The following SLC26A8 variants were observed in gnomAD, a reference collection of about 807,000 sequenced individuals.
The protein encoded by SLC26A8 is testis anion transporter 1.
A neutral mutation model predicts 105.0 loss-of-function variants in SLC26A8; 70 were observed. The ratio of observed to expected loss-of-function variants is 0.67; its 90% CI spans 0.55 to 0.81. The LOEUF is 0.81. Ranked by LOEUF, SLC26A8 falls within the 40% of genes least tolerant of loss-of-function variation. The pLI, the probability that SLC26A8 is intolerant of heterozygous loss-of-function variation, is 0.00. For missense variants in SLC26A8, 998 were observed against 1,181.8 expected (o/e 0.84, Z 2.28); for synonymous variants, 415 against 438.3 (o/e 0.95, Z 0.66).
chr6:36,022,494 ATATGCAG>A (rs1762150433), intron 1 of SLC26A8, among the ~76,000 whole-genome samples: 2 of 15,644 alleles, frequency 1.3e-4, no homozygotes, highest in Admixed American at 8.9e-4. Flanking sequence ...GACAGTGCAG[ATATGCAG>A]ATATAAAAAA....
chr6:36,023,049 T>C (rs1762164123), intron 1 of SLC26A8, among the ~76,000 whole-genome samples: 2 of 151,622 alleles, frequency 1.3e-5, no homozygotes, highest in South Asian at 4.2e-4. Flanking sequence ...AAAGTATGAC[T>C]ACCACTATAA....
chr6:35,974,132 A>G (rs907504508), intron 10 of SLC26A8, among the ~76,000 whole-genome samples: 2 of 152,216 alleles, frequency 1.3e-5, no homozygotes, highest in Non-Finnish European at 1.5e-5. Context: ...AGCCTGGCCA[A>G]CATAGTAAAA....
intron 16 of SLC26A8, among the ~76,000 whole-genome samples, chr6:35,958,846 G>A (rs1581631841): frequency 6.6e-6 from 1 of 152,156 alleles, no homozygotes; most frequent in Non-Finnish European, 1.5e-5. Flanking sequence ...TCCTGCTCTG[G>A]GGGAAGGGAC....
chr6:35,981,395 C>G lies in SLC26A8; in HGVS notation c.1025+726G>C, dbSNP rs905401312. ...GTGGCTCATGCCTGTAATCCCAGCACTATAGGAGGCCAAGGCAGGAGGAAT... is the reference window on the plus strand; with the variant it reads ...GTGGCTCATGCCTGTAATCCCAGCAGTATAGGAGGCCAAGGCAGGAGGAAT... On this transcript the variant is annotated intron_variant, in intron 8 of 19. Coordinates refer to ENST00000490799, the MANE Select transcript of SLC26A8 (RefSeq NM_052961.4). This position sits in a 1 kb window ranked among gnomAD's most constrained non-coding sequence, Gnocchi z 4.0. Among the ~76,000 whole-genome samples the G allele has an allele frequency of 6.6e-6, 1 of 152,170 alleles. No individual in the cohort carries two copies. Among genetic ancestry groups the G allele is most frequent in the Non-Finnish European group, 1.5e-5 (1 of 68,024 alleles).
intron 3 of SLC26A8, among the ~76,000 whole-genome samples, chr6:36,008,715 AGAC>A (rs1344568786): frequency 2.0e-5 from 3 of 152,256 alleles, no homozygotes; most frequent in African/African-American, 7.2e-5. Flanking sequence ...CATGGGCAAA[AGAC>A]GAGAAGAGCC....
chr6:36,011,770 G>A (rs1761863094), intron 3 of SLC26A8, among the ~76,000 whole-genome samples: 3 of 152,052 alleles, frequency 2.0e-5, no homozygotes, highest in South Asian at 4.1e-4. Context: ...ACCAGGCCCC[G>A]CTAATTTTTG....
intron 3 of SLC26A8, among the ~76,000 whole-genome samples, chr6:36,010,536 CTTTTTTTTTTT>C (rs1173055463): frequency 8.5e-6 from 1 of 118,284 alleles, no homozygotes; most frequent in Admixed American, 8.9e-5. Context: ...TATATGTATT[CTTTTTTTTTTT>C]TTTTTTTTTG....
chr6:35,998,101 C>A (rs966535640), intron 4 of SLC26A8, among the ~76,000 whole-genome samples, 182 bp from the exon 5 acceptor site: 1 of 152,118 alleles, frequency 6.6e-6, no homozygotes, highest in African/African-American at 2.4e-5. Flanking sequence ...ATATTGTGAC[C>A]AACTCATGGG....
At chr6:35,966,333 A>G (rs1772516690) in intron 11 of SLC26A8, among the ~76,000 whole-genome samples, 1 of 152,216 alleles carries the variant, frequency 6.6e-6, no homozygotes, top group Admixed American at 6.5e-5. Context: ...TACGGTGGGA[A>G]GGAAAATAAA....
intron 1 of SLC26A8, chr6:36,024,258 A>G (rs72924938): frequency 0.04 from 12,778 of 323,068 alleles, 330 homozygotes; most frequent in South Asian, 0.07. Context: ...GAAAGGATGC[A>G]GCTTGCAAAA....
At chr6:36,000,406 C>T (rs1254302147) in intron 3 of SLC26A8, among the ~76,000 whole-genome samples, 1 of 152,064 alleles carries the variant, frequency 6.6e-6, no homozygotes, top group Non-Finnish European at 1.5e-5. Context: ...GCAATAAGAC[C>T]CCTAATTCCA....
chr6:35,984,339 T>G (rs1482793749), intron 7 of SLC26A8, among the ~76,000 whole-genome samples: 1 of 108,690 alleles, frequency 9.2e-6, no homozygotes, highest in Non-Finnish European at 2.1e-5. Flanking sequence ...TTTTTTTTTT[T>G]GAGACAGAGT....
intron 17 of SLC26A8, among the ~76,000 whole-genome samples, chr6:35,952,795 C>A (rs910451598): frequency 1.8e-4 from 27 of 152,042 alleles, no homozygotes; most frequent in Admixed American, 1.6e-3. Context: ...GCAAGCAGAT[C>A]ACGAGGTCAG....
intron 3 of SLC26A8, among the ~76,000 whole-genome samples, chr6:36,004,657 CT>C (rs1394120194): frequency 2.0e-5 from 2 of 97,734 alleles, no homozygotes; most frequent in Non-Finnish European, 4.2e-5. Flanking sequence ...CCCCTATTTA[CT>C]TTTTTTCTTT....
Position 36,024,627 on chromosome 6 carries a change from C to G in SLC26A8, c.-126G>C, listed in dbSNP as rs963387952. The G allele has an allele frequency of 1.3e-5, 5 of 382,056 alleles. No individual in the cohort carries two copies. Among genetic ancestry groups the G allele is most frequent in the African/African-American group, 6.3e-5 (3 of 47,422 alleles). The allele number at this position is 382,056 out of a possible 1,614,324, so 23.7% of individuals were successfully genotyped here. ...GAGCCGTTGTGGCCTAGCCCGCGGG[C>G]GTTCCGGGCGGGCTGAGGAGATGAG... On this transcript the variant is annotated 5_prime_UTR_variant, in exon 1 of 20. Coordinates refer to ENST00000490799, the MANE Select transcript of SLC26A8 (RefSeq NM_052961.4).
At chr6:36,017,682 A>G (rs112679828) in intron 2 of SLC26A8, among the ~76,000 whole-genome samples, 12,602 of 152,214 alleles carry the variant, frequency 0.083, 566 homozygotes, top group Non-Finnish European at 0.096. Context: ...TTTCTACATC[A>G]AAGGACACTG....
At chr6:35,971,872 C>A (rs73729637) in intron 10 of SLC26A8, among the ~76,000 whole-genome samples, 11,769 of 152,280 alleles carry the variant, frequency 0.077, 568 homozygotes, top group African/African-American at 0.14. Context: ...GGGGCAATGA[C>A]AGAAACCTAA....
intron 10 of SLC26A8, among the ~76,000 whole-genome samples, chr6:35,970,051 T>C (rs1772727819): frequency 6.6e-6 from 1 of 152,184 alleles, no homozygotes; most frequent in African/African-American, 2.4e-5. Context: ...TGTAAGCCAC[T>C]AGTAATAAAA....
intron 17 of SLC26A8, among the ~76,000 whole-genome samples, chr6:35,954,669 G>A (rs1271919379): frequency 1.3e-5 from 2 of 152,180 alleles, no homozygotes; most frequent in African/African-American, 4.8e-5. Flanking sequence ...TTTAGGCTGG[G>A]CATGGTGGCT....
Sources: allele counts gnomAD v4.1 joint callset (sites outside exome capture counted in the v4.1 genomes callset), GRCh38; gene constraint gnomAD v4.1.1; non-coding constraint Gnocchi (gnomAD v3.1); transcripts MANE v1.5; gene names NCBI Gene and HGNC (gene_info 2026-07-23, HGNC 2026-07-21).